DOT1L: variants seen among roughly 807,000 people sequenced by gnomAD.
DOT1L encodes DOT1 like histone lysine methyltransferase, also known as histone-lysine N-methyltransferase, H3 lysine-79 specific.
A neutral mutation model predicts 153.3 loss-of-function variants in DOT1L; 33 were observed. That is an observed-to-expected ratio of 0.22 (90% confidence interval 0.16 to 0.29). The LOEUF (loss-of-function observed/expected upper bound fraction) is 0.29, where lower values mean the gene tolerates loss of function less well. DOT1L is among the 10% of genes least tolerant of loss of function. The probability of loss-of-function intolerance (pLI) is 1.00; values close to 1 mark genes in which losing one functional copy is unlikely to be tolerated. For synonymous variants in DOT1L, 1,135 were observed against 965.1 expected, an observed-to-expected ratio of 1.18 and a Z score of -3.26; for missense variants, 1,847 against 2,119.9, an observed-to-expected ratio of 0.87 and a Z score of 2.53.
At chr19:2,165,828 G>A (rs930314805) in intron 1 of DOT1L, among the ~76,000 whole-genome samples, 1 of 151,698 alleles carries the variant, frequency 6.6e-6, no homozygotes, top group African/African-American at 2.4e-5. Context: ...GAGTGCAGCG[G>A]CGCGATCTCG....
intron 1 of DOT1L, among the ~76,000 whole-genome samples, chr19:2,165,842 C>A (rs2019896221): frequency 6.6e-6 from 1 of 151,340 alleles, no homozygotes; most frequent in Non-Finnish European, 1.5e-5. Context: ...GATCTCGGCT[C>A]GCTGCAAGCT....
chr19:2,218,097 G>T (rs1214006082), intron 22 of DOT1L, among the ~76,000 whole-genome samples, 179 bp downstream of exon 22: 1 of 152,226 alleles, frequency 6.6e-6, no homozygotes, highest in Non-Finnish European at 1.5e-5. Context: ...CGTTGTTTTC[G>T]CCAGTCTTTT....
intron 27 of DOT1L, 102 bp downstream of exon 27, chr19:2,227,229 T>C (rs967862532): frequency 1.4e-6 from 2 of 1,454,330 alleles, no homozygotes; most frequent in Non-Finnish European, 1.9e-6. Flanking sequence ...GGAGCTGAGC[T>C]GCAGGTCCCC....
At chr19:2,218,550 C>T (rs8112532) in intron 22 of DOT1L, among the ~76,000 whole-genome samples, 23,800 of 150,904 alleles carry the variant, frequency 0.16, 2,706 homozygotes, top group African/African-American at 0.32. Flanking sequence ...CCCGCCACCA[C>T]GCCTGGCTAA....
intron 8 of DOT1L, among the ~76,000 whole-genome samples, 176 bp downstream of exon 8, chr19:2,200,115 C>G (rs770811133): frequency 3.0e-4 from 46 of 152,072 alleles, no homozygotes; most frequent in Non-Finnish European, 5.9e-4. Context: ...TCTGCGGGCG[C>G]GCAGAGCAGA....
At chr19:2,194,487 A>T (rs2022933244) in intron 6 of DOT1L, 28 bp from the exon 7 acceptor site, 1 of 1,613,640 alleles carries the variant, frequency 6.2e-7, no homozygotes. Context: ...GAGAGTTTGT[A>T]ACGGGCGTTT....
Position 2,208,791 on chromosome 19 carries a change from C to T in DOT1L, c.964-144C>T. 1.2e-6 allele frequency: 1 copy of T among 807,170 alleles called. No individual in the cohort carries two copies. 50.0% of individuals were successfully genotyped at this position (807,170 alleles called of 1,614,324 possible). On this transcript the variant is annotated intron_variant, in intron 11 of 27. Transcript: ENST00000398665. This position sits in a 1 kb window ranked among gnomAD's most constrained non-coding sequence, Gnocchi z 4.4. The stretch of plus-strand genomic sequence containing the variant: ...CACATCCGCGTTTGCCACTGGGGGG[C>T]TCTAGCTGCATGCCTGCTGTCCCCA...
rs944022649 is a variant in DOT1L at position 2,191,704 on chromosome 19, T to C, written c.493+464T>C. Among the ~76,000 whole-genome samples the C allele has an allele frequency of 2.0e-5, 3 of 152,046 alleles. No homozygotes were observed. The highest frequency in any genetic ancestry group is 2.9e-5 in the Non-Finnish European group (2 of 67,978). ...GGAGGAAGACCCCAGGTCCCTGGGC[T>C]CCCGGAGGCCCTCGCGCCCTCCCTG... On this transcript the variant is annotated intron_variant, in intron 5 of 27. Transcript: ENST00000398665. This position sits in a 1 kb window ranked among gnomAD's most constrained non-coding sequence, Gnocchi z 6.8.
intron 1 of DOT1L, among the ~76,000 whole-genome samples, chr19:2,175,345 C>T (rs1405527015): frequency 6.6e-6 from 1 of 151,962 alleles, no homozygotes; most frequent in African/African-American, 2.4e-5. Flanking sequence ...CTATGTTGCC[C>T]AGGTTAGAGT....
In DOT1L at chr19:2,175,544, T is replaced by C. The variant is rs571078808; in HGVS notation, c.82-5169T>C. 5.9e-5 allele frequency among the ~76,000 whole-genome samples: 9 copies of C among 152,318 alleles called. No homozygotes were observed. The East Asian group carries it at 1.7e-3, about 29-fold the overall frequency. ...TTTTATCATGTAATTAAAAAATTGT[T>C]CTGGCTGGACGCAGTGGCTCACGCC... On this transcript the variant is annotated intron_variant, in intron 1 of 27. Transcript: ENST00000398665.
At chr19:2,213,468 G>T (rs1367931044) in intron 16 of DOT1L, 71 bp from the exon 17 acceptor site, 15 of 1,472,700 alleles carry the variant, frequency 1.0e-5, no homozygotes, top group African/African-American at 1.4e-5. Context: ...GAGAGGCAGG[G>T]CGTGGGCCCT....
At chr19:2,192,001 AG>A (rs2144746143) in intron 5 of DOT1L, among the ~76,000 whole-genome samples, 1 of 152,282 alleles carries the variant, frequency 6.6e-6, no homozygotes, top group South Asian at 2.1e-4. Context: ...CACCCCATCC[AG>A]GCTGCAGGGC....
In DOT1L at chr19:2,232,284, T is replaced by C. The variant is rs2024635919; in HGVS notation, c.*2492T>C. On this transcript the variant is annotated 3_prime_UTR_variant, in exon 28 of 28. Transcript: ENST00000398665. ...CAGTGACTTATTTAAGACTTCCCCC[T>C]TAATTTATCTGCCCCCAGGATGCGT... 9.3e-6 allele frequency: 2 copies of C among 214,066 alleles called. No homozygotes were observed. Among genetic ancestry groups the C allele is most frequent in the South Asian group, 3.8e-4 (2 of 5,280 alleles). 13.3% of individuals were successfully genotyped at this position (214,066 alleles called of 1,614,324 possible). A position where few individuals can be genotyped will look rare whatever the true frequency, so the allele number is the denominator to read the frequency against.
At chr19:2,184,660 GA>G (rs1250808674) in intron 2 of DOT1L, among the ~76,000 whole-genome samples, 4 of 152,160 alleles carry the variant, frequency 2.6e-5, no homozygotes, top group Non-Finnish European at 5.9e-5. Flanking sequence ...TTTCCAAGCG[GA>G]AGGCGTGTCC....
chr19:2,206,920 G>C, intron 10 of DOT1L, 123 bp downstream of exon 10: 4 of 966,174 alleles, frequency 4.1e-6, no homozygotes, highest in Non-Finnish European at 6.5e-6. Context: ...TGTGGGGTGG[G>C]GCTGTCCTGG....
rs2023956693 is a variant in DOT1L at position 2,217,695 on chromosome 19, C to A, written c.2545-77C>A. On this transcript the variant is annotated intron_variant, in intron 21 of 27. Transcript: ENST00000398665. This position sits in a 1 kb window ranked among gnomAD's most constrained non-coding sequence, Gnocchi z 7.3. Reference sequence around the variant, plus strand: ...CGCCTTGAGAGAGCTGTAGCAGGCCCCCGTCCTGTGGCTGTGGTCCCTGTG... The same window carrying A: ...CGCCTTGAGAGAGCTGTAGCAGGCCACCGTCCTGTGGCTGTGGTCCCTGTG... 5.9e-6 allele frequency: 9 copies of A among 1,531,360 alleles called. No individual in the cohort carries two copies. The highest frequency in any genetic ancestry group is 7.9e-6 in the Non-Finnish European group (9 of 1,136,166). The allele number at this position is 1,531,360 out of a possible 1,614,324, so 94.9% of individuals were successfully genotyped here.
chr19:2,211,131 C>T lies in DOT1L; in HGVS notation c.1384C>T (p.Gln462Ter). ...AYRSPHSPFY[Q>*]LPPSVQRHSP... ...CAGATCCCCTCACAGCCCGTTCTAC[C>T]AGCTACCTCCGAGCGTGCAGCGGCA... is the stretch of plus-strand genomic sequence containing the variant. The change falls in exon 15 of 28, where the codon CAG becomes TAG. Residue 462 changes from glutamine (Q) to a stop codon, truncating the protein, a stop_gained. Transcript: ENST00000398665. LOFTEE classifies it high-confidence loss of function. The T allele has an allele frequency of 6.2e-7, 1 of 1,613,150 alleles. No homozygotes were observed. The highest frequency in any genetic ancestry group is 8.5e-7 in the Non-Finnish European group (1 of 1,179,814).
At chr19:2,178,681 A>C (rs2022078398) in intron 1 of DOT1L, among the ~76,000 whole-genome samples, 1 of 151,906 alleles carries the variant, frequency 6.6e-6, no homozygotes, top group African/African-American at 2.4e-5. Flanking sequence ...CTGGCCTCCC[A>C]GAGTGCTGGG....
rs566016893 is a variant in DOT1L, at chr19:2,172,446, C to G, written c.81+8181C>G. Among the ~76,000 whole-genome samples, 6 of 151,800 alleles carry G rather than the reference C, an allele frequency of 4.0e-5. No individual in the cohort carries two copies. In the South Asian group the frequency reaches 1.2e-3, roughly 32 times the overall value. On this transcript the variant is annotated intron_variant, in intron 1 of 27. Coordinates refer to ENST00000398665, the MANE Select transcript of DOT1L (RefSeq NM_032482.3). ...CCTCATGATCCACCCGCCTTGGGCT[C>G]CCAAAGTGCTGGGATCACAGGTGTG...
Sources: gnomAD v4.1 joint callset for allele counts (sites outside exome capture counted in the v4.1 genomes callset) on GRCh38, gnomAD v4.1.1 for gene constraint, Gnocchi (gnomAD v3.1) non-coding constraint, MANE v1.5 for transcripts, NCBI Gene and HGNC (gene_info 2026-07-23, HGNC 2026-07-21) for gene names.